Variants in FCRL2 observed in about 807,000 individuals in gnomAD.
The protein encoded by FCRL2 is Fc receptor like 2, also known as Fc receptor-like protein 2.
FCRL2 carries 48 observed loss-of-function variants against 59.8 expected under a neutral mutation model. The observed-to-expected ratio is 0.80, with a 90% CI of 0.64 to 1.02. FCRL2 has a LOEUF of 1.02. FCRL2 is among the 50% of genes least tolerant of loss of function. The probability of loss-of-function intolerance (pLI) is 0.00; values close to 1 mark genes in which losing one functional copy is unlikely to be tolerated. For synonymous variants in FCRL2, 251 were observed against 229.5 expected, an observed-to-expected ratio of 1.09 and a Z score of -0.85; for missense variants, 658 against 597.3, an observed-to-expected ratio of 1.10 and a Z score of -1.06.
rs1380905790 is a variant in FCRL2, at chr1:157,746,286, GA to G, written c.*449del. 1 of 159,444 alleles carries G rather than the reference GA, an allele frequency of 6.3e-6. No homozygotes were observed. Among genetic ancestry groups the G allele is most frequent in the Non-Finnish European group, 1.4e-5 (1 of 72,562 alleles). The allele number at this position is 159,444 out of a possible 1,614,324, so 9.9% of individuals were successfully genotyped here. ...CAAACATTCTGGCAGAGACACAGTG[GA>G]AAAGAAAATTTCAGGCCAATATTCC... On this transcript the variant is annotated 3_prime_UTR_variant, in exon 12 of 12. Transcript: ENST00000361516.
At chr1:157,758,719 A>G (rs1648795130) in intron 7 of FCRL2, among the ~76,000 whole-genome samples, 1 of 151,652 alleles carries the variant, frequency 6.6e-6, no homozygotes, top group Admixed American at 6.6e-5. Flanking sequence ...TGGAGGGCTA[A>G]CACTATACAA....
At chr1:157,775,945 C>T (rs947033672) in intron 1 of FCRL2, 150 bp from the exon 2 acceptor site, 8 of 865,160 alleles carry the variant, frequency 9.2e-6, no homozygotes, top group Non-Finnish European at 1.4e-5. Flanking sequence ...ACAATTCAAT[C>T]TCCCTCGAGC....
At chr1:157,772,467 C>G (rs1650094564) in intron 2 of FCRL2, among the ~76,000 whole-genome samples, 2 of 152,158 alleles carry the variant, frequency 1.3e-5, no homozygotes, top group Non-Finnish European at 2.9e-5. Context: ...GTGGGAGCAG[C>G]AGGGTGAGCC....
intron 5 of FCRL2, chr1:157,767,817 G>T (rs1303092404): frequency 2.4e-6 from 2 of 835,294 alleles, no homozygotes; most frequent in Non-Finnish European, 3.4e-6. Context: ...TTTTTATTAG[G>T]AAATAATTTT....
chr1:157,763,874 CAA>C, intron 7 of FCRL2, among the ~76,000 whole-genome samples: 1 of 151,764 alleles, frequency 6.6e-6, no homozygotes, highest in East Asian at 1.9e-4. Context: ...ACTGAAAATA[CAA>C]AAAATTAGCC....
At chr1:157,760,237 G>A (rs1028674547) in intron 7 of FCRL2, among the ~76,000 whole-genome samples, 5 of 152,108 alleles carry the variant, frequency 3.3e-5, no homozygotes, top group Non-Finnish European at 5.9e-5. Flanking sequence ...AGAGCTAAAC[G>A]TTGAGTGCAT....
chr1:157,767,686 A>C, intron 5 of FCRL2, 177 bp from the exon 6 acceptor site: 1 of 1,573,056 alleles, frequency 6.4e-7, no homozygotes, highest in East Asian at 2.2e-5. Context: ...TAGACGTTTG[A>C]GGGGAATATC....
At chr1:157,770,730 G>T in intron 2 of FCRL2, 64 bp from the exon 3 acceptor site, 3 of 1,571,478 alleles carry the variant, frequency 1.9e-6, no homozygotes, top group Non-Finnish European at 1.7e-6. Context: ...GACTCCATTG[G>T]CAGTGAGGTG....
chr1:157,761,708 T>A (rs1237258790), intron 7 of FCRL2, among the ~76,000 whole-genome samples: 1 of 152,128 alleles, frequency 6.6e-6, no homozygotes, highest in Non-Finnish European at 1.5e-5. Flanking sequence ...CACTGGTAAT[T>A]TTTTTTGACT....
At chr1:157,760,575 C>A (rs950055024) in intron 7 of FCRL2, among the ~76,000 whole-genome samples, 1 of 149,742 alleles carries the variant, frequency 6.7e-6, no homozygotes, top group Non-Finnish European at 1.5e-5. Flanking sequence ...TTGCAGTGAG[C>A]CAAGATTGTT....
At chr1:157,764,458 C>G (rs1226500557) in intron 7 of FCRL2, among the ~76,000 whole-genome samples, 1 of 152,188 alleles carries the variant, frequency 6.6e-6, no homozygotes, top group Non-Finnish European at 1.5e-5. Context: ...TTAAACTGTA[C>G]TTTAAACCAA....
chr1:157,766,022 A>C (rs960610358), intron 7 of FCRL2, among the ~76,000 whole-genome samples: 7 of 152,194 alleles, frequency 4.6e-5, no homozygotes, highest in African/African-American at 1.4e-4. Context: ...TGAAACTGCA[A>C]ACTATGGCCA....
chr1:157,756,592 T>C (rs1372312569), intron 7 of FCRL2, among the ~76,000 whole-genome samples: 2 of 150,682 alleles, frequency 1.3e-5, no homozygotes, highest in East Asian at 3.9e-4. Context: ...GGCAAGAGGA[T>C]CACCTGAACT....
At chr1:157,749,330 G>T (rs144635698) in intron 8 of FCRL2, among the ~76,000 whole-genome samples, 2,633 of 152,052 alleles carry the variant, frequency 0.017, 63 homozygotes, top group African/African-American at 0.06. Flanking sequence ...CATTTTGTGT[G>T]TATGTTCTTT....
chr1:157,751,330 G>A (rs1010160298), intron 7 of FCRL2, among the ~76,000 whole-genome samples: 1 of 152,218 alleles, frequency 6.6e-6, no homozygotes, highest in Non-Finnish European at 1.5e-5. Context: ...AAGAGGCTAA[G>A]AGAAGATTTA....
chr1:157,761,592 G>A (rs1649107276), intron 7 of FCRL2, among the ~76,000 whole-genome samples: 1 of 152,114 alleles, frequency 6.6e-6, no homozygotes, highest in African/African-American at 2.4e-5. Flanking sequence ...CTCGGCAACA[G>A]AGCAAGACCT....
At position 157,753,401 on chromosome 1, in the gene FCRL2, TAG is replaced by T. The variant is rs1266683493; in HGVS notation, c.1280-3726_1280-3725del. On this transcript the variant is annotated intron_variant, in intron 7 of 11. Transcript: ENST00000361516. ...TCCTCAGTTTCAATAATTTGCTCTA[TAG>T]AACTCGAAGAAACACTTCAGTTACT... is the stretch of plus-strand genomic sequence containing the variant. Among the ~76,000 whole-genome samples, 5 of 152,224 alleles carry T rather than the reference TAG, an allele frequency of 3.3e-5. No homozygotes were observed. The South Asian group carries it at 6.2e-4, about 19-fold the overall frequency.
chr1:157,760,654 A>AGAAGGAAG lies in FCRL2; in HGVS notation c.1279+6193_1279+6200dup, dbSNP rs796961253. ...AGAAAGAAAGAAAAGAAAGAAAGAA[A>AGAAGGAAG]GAAGGAAGGAAGGAAGGAAGGAAGG... On this transcript the variant is annotated intron_variant, in intron 7 of 11. Coordinates refer to ENST00000361516, the MANE Select transcript of FCRL2 (RefSeq NM_030764.4). Among the ~76,000 whole-genome samples the AGAAGGAAG allele has an allele frequency of 3.5e-3, 453 of 129,594 alleles. 3 individuals carry two copies. The highest frequency in any genetic ancestry group is 8.1e-3 in the African/African-American group (257 of 31,808). The allele number at this position is 129,594 out of a possible 152,430, so 85.0% of individuals were successfully genotyped here. A position where few individuals can be genotyped will look rare whatever the true frequency, so the allele number is the denominator to read the frequency against.
Position 157,767,715 on chromosome 1 carries a change from C to T in FCRL2, c.884-206G>A, listed in dbSNP as rs553048768. ...GAATATCAGTTCTGGGTGCTGCCTG[C>T]AGACACGGTCATCTGTTGTTCTCAT... On this transcript the variant is annotated intron_variant, in intron 5 of 11. Transcript: ENST00000361516. The T allele has an allele frequency of 2.6e-6, 4 of 1,538,326 alleles. No homozygotes were observed. The East Asian group carries it at 9.0e-5, about 35-fold the overall frequency.
Sources: allele counts gnomAD v4.1 joint callset (sites outside exome capture counted in the v4.1 genomes callset), GRCh38; gene constraint gnomAD v4.1.1; transcripts MANE v1.5; gene names NCBI Gene and HGNC (gene_info 2026-07-23, HGNC 2026-07-21).